The following CDH23 variants were observed in gnomAD, a reference collection of about 807,000 sequenced individuals.
The protein encoded by CDH23 is cadherin-23.
CDH23 carries 189 observed loss-of-function variants against 317.1 expected under a neutral mutation model. That is an observed-to-expected ratio of 0.60 (90% confidence interval 0.53 to 0.67). CDH23 has a LOEUF of 0.67. CDH23 is among the 30% of genes least tolerant of loss of function. The pLI, the probability that CDH23 is intolerant of heterozygous loss-of-function variation, is 0.00. For missense variants in CDH23, 4,401 were observed against 4,592.4 expected (o/e 0.96, Z 1.20); for synonymous variants, 1,839 against 1,876.8 (o/e 0.98, Z 0.52).
chr10:71,595,038 T>C (rs1278026111), intron 9 of CDH23, among the ~76,000 whole-genome samples: 1 of 152,226 alleles, frequency 6.6e-6, no homozygotes, highest in African/African-American at 2.4e-5. Context: ...CAAGTTTAAA[T>C]CCTGGCTCTG....
chr10:71,632,951 G>A (rs973659133), intron 11 of CDH23, among the ~76,000 whole-genome samples: 2 of 152,168 alleles, frequency 1.3e-5, no homozygotes, highest in African/African-American at 4.8e-5. Context: ...GCTGCATCTG[G>A]TGAGGGCCCT....
chr10:71,692,094 C>T (rs1334658542), intron 20 of CDH23, among the ~76,000 whole-genome samples: 3 of 152,172 alleles, frequency 2.0e-5, no homozygotes, highest in African/African-American at 7.2e-5. Flanking sequence ...GCAGCAGCAG[C>T]ATCTCATTCT....
chr10:71,630,056 C>CTG (rs1194320223), intron 11 of CDH23, among the ~76,000 whole-genome samples: 2 of 152,176 alleles, frequency 1.3e-5, no homozygotes, highest in Non-Finnish European at 2.9e-5. Context: ...ACGTATCACT[C>CTG]TGTCACTCAG....
At chr10:71,536,606 G>A (rs1330117141) in intron 6 of CDH23, among the ~76,000 whole-genome samples, 1 of 152,196 alleles carries the variant, frequency 6.6e-6, no homozygotes, top group African/African-American at 2.4e-5. Flanking sequence ...TTGGAATGGG[G>A]CTGGAGACTC....
Position 71,546,361 on chromosome 10 carries a change from C to T in CDH23, c.430-20381C>T, listed in dbSNP as rs149151464. Among the ~76,000 whole-genome samples, 218 of 152,258 alleles carry T rather than the reference C, an allele frequency of 1.4e-3. 1 individual carries two copies. Among genetic ancestry groups the T allele is most frequent in the African/African-American group, 4.9e-3 (202 of 41,536 alleles). On this transcript the variant is annotated intron_variant, in intron 6 of 69. Coordinates refer to ENST00000224721, the MANE Select transcript of CDH23 (RefSeq NM_022124.6). ...AGTGGCTCCTCTATACCAGGCAGAG[C>T]GATATGATGGTACCGGAGCTACTGT...
chr10:71,600,287 C>T (rs900880909), intron 9 of CDH23, among the ~76,000 whole-genome samples: 30 of 152,048 alleles, frequency 2.0e-4, no homozygotes, highest in African/African-American at 6.8e-4. Context: ...CAGGCGTGAG[C>T]GACCGTACCC....
At chr10:71,658,952 G>A (rs1287188952) in intron 14 of CDH23, among the ~76,000 whole-genome samples, 1 of 152,182 alleles carries the variant, frequency 6.6e-6, no homozygotes, top group Non-Finnish European at 1.5e-5. Flanking sequence ...GGCTGAAGGG[G>A]CCTCAGCGTC....
At position 71,732,271 on chromosome 10, in the gene CDH23, C is replaced by A. The variant is rs373276722; in HGVS notation, c.4000C>A (p.Arg1334=). 12 of 1,613,012 alleles carry A rather than the reference C, an allele frequency of 7.4e-6. No homozygotes were observed. Among genetic ancestry groups the A allele is most frequent in the African/African-American group, 2.7e-5 (2 of 75,022 alleles). The change falls in exon 32 of 70, where the codon CGG becomes AGG. Residue 1334 remains arginine (R), a synonymous_variant. Coordinates refer to ENST00000224721, the MANE Select transcript of CDH23 (RefSeq NM_022124.6). ...TCTGGCACTGGGTACTGAGATTGTGCGGGTCCAGGCCTACTCCATCGACAA... is the reference window on the plus strand; with the variant it reads ...TCTGGCACTGGGTACTGAGATTGTGAGGGTCCAGGCCTACTCCATCGACAA... The part of the protein sequence containing the change: ...ENLALGTEIV[R]VQAYSIDNLN...
intron 37 of CDH23, among the ~76,000 whole-genome samples, chr10:71,741,271 A>G (rs1028591340): frequency 1.3e-5 from 2 of 152,178 alleles, no homozygotes; most frequent in African/African-American, 4.8e-5. Context: ...AGCCACTCCA[A>G]TCTGCCCTGG....
chr10:71,550,192 G>A (rs1856502720), intron 6 of CDH23, among the ~76,000 whole-genome samples: 1 of 152,140 alleles, frequency 6.6e-6, no homozygotes, highest in Non-Finnish European at 1.5e-5. Context: ...GGGCTGAAGA[G>A]GAGAAAGTAC....
At chr10:71,486,371 G>T (rs1340744366) in intron 3 of CDH23, among the ~76,000 whole-genome samples, 2 of 152,162 alleles carry the variant, frequency 1.3e-5, no homozygotes, top group South Asian at 2.1e-4. Flanking sequence ...CCTGGAGGGG[G>T]TGGGCCTTGA....
chr10:71,531,824 A>G (rs1407938416), intron 6 of CDH23, among the ~76,000 whole-genome samples: 1 of 152,146 alleles, frequency 6.6e-6, no homozygotes, highest in Non-Finnish European at 1.5e-5. Flanking sequence ...GTCAGCTTTG[A>G]ACCAAGATCT....
intron 18 of CDH23, among the ~76,000 whole-genome samples, chr10:71,687,424 G>A (rs955214342): frequency 2.6e-5 from 4 of 152,138 alleles, no homozygotes; most frequent in African/African-American, 9.7e-5. Context: ...CCTTCCTGAG[G>A]CCTGCATGTT....
rs57451589 is a variant in CDH23, at chr10:71,704,709, C to T, written c.2734-202C>T. ...GGCCTCACTTGGTGCATCTGGACGC[C>T]TTTCAGCTGACATGCGACCCCCTTA... On this transcript the variant is annotated intron_variant, in intron 24 of 69. Coordinates refer to ENST00000224721, the MANE Select transcript of CDH23 (RefSeq NM_022124.6). Among the ~76,000 whole-genome samples the T allele has an allele frequency of 0.025, 3,833 of 152,280 alleles. 166 individuals carry two copies. The highest frequency in any genetic ancestry group is 0.086 in the African/African-American group (3,554 of 41,546).
chr10:71,549,415 G>A (rs1856461817), intron 6 of CDH23, among the ~76,000 whole-genome samples: 1 of 152,220 alleles, frequency 6.6e-6, no homozygotes, highest in African/African-American at 2.4e-5. Context: ...CTCCAGAGAG[G>A]GGTCATCTAC....
rs1437174421 is a variant in CDH23, at chr10:71,689,215, G to GGGGTGGT, written c.2060-1251_2060-1250insGTGGTGG. Among the ~76,000 whole-genome samples, 8 of 91,192 alleles carry GGGGTGGT rather than the reference G, an allele frequency of 8.8e-5. 1 individual carries two copies. In the South Asian group the frequency reaches 1.2e-3, roughly 13 times the overall value. The allele number at this position is 91,192 out of a possible 152,430, so 59.8% of individuals were successfully genotyped here. On this transcript the variant is annotated intron_variant, in intron 19 of 69. Coordinates refer to ENST00000224721, the MANE Select transcript of CDH23 (RefSeq NM_022124.6). ...GGTGGAGCCAGGGTTGGTGGAGTCAGGGATGGTGGAGTCAGTATGGTGGAG... is the reference window on the plus strand; with the variant it reads ...GGTGGAGCCAGGGTTGGTGGAGTCAGGGGTGGTGGATGGTGGAGTCAGTATGGTGGAG...
At chr10:71,563,768 A>G (rs1008268150) in intron 6 of CDH23, among the ~76,000 whole-genome samples, 4 of 136,262 alleles carry the variant, frequency 2.9e-5, no homozygotes, top group African/African-American at 1.1e-4. Flanking sequence ...TTCTTTTTTG[A>G]GACGGAGTCT....
intron 62 of CDH23, 70 bp from the exon 63 acceptor site, chr10:71,811,245 G>C (rs568294584): frequency 6.2e-7 from 1 of 1,610,532 alleles, no homozygotes; most frequent in East Asian, 2.2e-5. Flanking sequence ...CTTGAGGCAG[G>C]AGCAGAGCAG....
intron 12 of CDH23, among the ~76,000 whole-genome samples, chr10:71,644,177 G>GC (rs897980380): frequency 2.6e-5 from 4 of 152,250 alleles, no homozygotes; most frequent in Non-Finnish European, 4.4e-5. Context: ...GAGGAGCCTT[G>GC]CCCCCACATC....
Sources: gnomAD v4.1 joint callset for allele counts (sites outside exome capture counted in the v4.1 genomes callset) on GRCh38, gnomAD v4.1.1 for gene constraint, MANE v1.5 for transcripts, NCBI Gene and HGNC (gene_info 2026-07-23, HGNC 2026-07-21) for gene names.